PRCD: variants seen among roughly 807,000 people sequenced by gnomAD.
PRCD encodes photoreceptor disk component PRCD.
A neutral mutation model predicts 10.1 loss-of-function variants in PRCD; 12 were observed. That is an observed-to-expected ratio of 1.18 (90% confidence interval 0.76 to 1.92). The LOEUF (loss-of-function observed/expected upper bound fraction) is 1.92, where lower values mean the gene tolerates loss of function less well. Among genes scored for constraint, PRCD ranks in the 40% most tolerant of loss-of-function variants. The pLI, the probability that PRCD is intolerant of heterozygous loss-of-function variation, is 0.00. For missense variants in PRCD, 61 were observed against 72.2 expected (o/e 0.84, Z 0.56); for synonymous variants, 31 against 26.2 (o/e 1.18, Z -0.56).
rs1412697942 is a variant in PRCD at position 76,543,100 on chromosome 17, G to A, written c.*131G>A. 4.2e-6 allele frequency: 2 copies of A among 471,262 alleles called. No homozygotes were observed. Among genetic ancestry groups the A allele is most frequent in the Non-Finnish European group, 8.8e-6 (2 of 227,236 alleles). 29.2% of individuals were successfully genotyped at this position (471,262 alleles called of 1,614,324 possible). A position where few individuals can be genotyped will look rare whatever the true frequency, so the allele number is the denominator to read the frequency against. On this transcript the variant is annotated 3_prime_UTR_variant, in exon 4 of 5. Transcript: ENST00000592014. Reference sequence around the variant, plus strand: ...TGCAGCAGCGGCAAGAGGGAGAATGGGGGGAAGCAGCACTAGAGAAGGTAG... The same window carrying A: ...TGCAGCAGCGGCAAGAGGGAGAATGAGGGGAAGCAGCACTAGAGAAGGTAG...
At chr17:76,537,971 T>C (rs888260363), upstream of PRCD, 1 of 145,032 alleles carries the variant, frequency 6.9e-6, no homozygotes, top group Non-Finnish European at 1.5e-5. Context: ...GCGCTGGGGG[T>C]CCCGGGAGGA....
upstream of PRCD, chr17:76,537,506 T>C: frequency 6.3e-7 from 1 of 1,578,218 alleles, no homozygotes; most frequent in Non-Finnish European, 8.6e-7. Flanking sequence ...CTCCGCTCCC[T>C]GCGCTCGATC....
chr17:76,540,393 G>A lies in PRCD; in HGVS notation c.75-112G>A. ...GAGCAGGGGGACTTAGAGCTTCAAA[G>A]GCTCTAGTTGCAGCCTCTACTCCCA... On this transcript the variant is annotated intron_variant, in intron 1 of 4. Transcript: ENST00000592014. This position sits in a 1 kb window ranked among gnomAD's most constrained non-coding sequence, Gnocchi z 5.0. 2 of 1,336,740 alleles carry A rather than the reference G, an allele frequency of 1.5e-6. No homozygotes were observed. The highest frequency in any genetic ancestry group is 2.4e-5 in the South Asian group (2 of 84,788). The allele number at this position is 1,336,740 out of a possible 1,614,324, so 82.8% of individuals were successfully genotyped here.
downstream of PRCD, among the ~76,000 whole-genome samples, chr17:76,547,919 C>T (rs1214351684): frequency 1.3e-5 from 2 of 151,004 alleles, no homozygotes; most frequent in Non-Finnish European, 2.9e-5. Flanking sequence ...CATTCACACA[C>T]ACATACACAT....
chr17:76,537,479 C>T (rs774953063), upstream of PRCD: 20 of 1,592,648 alleles, frequency 1.3e-5, no homozygotes, highest in African/African-American at 2.8e-5. Context: ...TTCCTCTCCG[C>T]CTCGGACAGC....
In PRCD at chr17:76,531,414, A is replaced by G. The variant is rs745534614; in HGVS notation, n.45+3581A>G. On this transcript the variant is annotated intron_variant and non_coding_transcript_variant, in intron 1 of 4. Coordinates refer to the PRCD transcript ENST00000397633. This position sits in a 1 kb window ranked among gnomAD's most constrained non-coding sequence, Gnocchi z 7.4. ...CAGAGCCTGCGAGCTGCAGATGGCC[A>G]TGACGCGTGGGCGGTGGGGGCTCTG... 5.7e-6 allele frequency: 9 copies of G among 1,578,368 alleles called. No individual in the cohort carries two copies. Among genetic ancestry groups the G allele is most frequent in the Non-Finnish European group, 7.8e-6 (9 of 1,153,034 alleles).
rs985655941 is a variant in PRCD at position 76,543,815 on chromosome 17, A to C, written c.*165A>C. ...TGCCTTTCCCCAGTTCCCAGAGCTC[A>C]TCCTGTCACTGGCTGCTCTGCTGAA... On this transcript the variant is annotated 3_prime_UTR_variant, in exon 5 of 5. Coordinates refer to ENST00000592014, the MANE Select transcript of PRCD (RefSeq NM_001077620.3). 2.1e-6 allele frequency: 1 copy of C among 470,948 alleles called. No individual in the cohort carries two copies. Among genetic ancestry groups the C allele is most frequent in the Non-Finnish European group, 4.4e-6 (1 of 227,082 alleles). The allele number at this position is 470,948 out of a possible 1,614,324, so 29.2% of individuals were successfully genotyped here.
chr17:76,551,345 AT>A (rs1225687278), intron 1 of PRCD: 3 of 152,206 alleles, frequency 2.0e-5, no homozygotes, highest in Non-Finnish European at 4.4e-5. Context: ...CTTCAAATTC[AT>A]TTATTTTTAT....
At chr17:76,537,541 A>G (rs748260968), upstream of PRCD, 7 of 1,542,190 alleles carry the variant, frequency 4.5e-6, no homozygotes, top group Admixed American at 1.9e-5. Context: ...CACTTTCTCC[A>G]TGAGCAGCTC....
intron 1 of PRCD, chr17:76,553,028 G>A (rs989101427): frequency 4.0e-5 from 6 of 151,784 alleles, no homozygotes; most frequent in Admixed American, 2.0e-4. Flanking sequence ...AAGTTCAGGG[G>A]TGTTGGGACT....
Position 76,540,463 on chromosome 17 carries a change from G to C in PRCD, c.75-42G>C. The C allele has an allele frequency of 6.2e-7, 1 of 1,602,526 alleles. No homozygotes were observed. Among genetic ancestry groups the C allele is most frequent in the African/African-American group, 1.3e-5 (1 of 74,806 alleles). On this transcript the variant is annotated intron_variant, in intron 1 of 4. Coordinates refer to ENST00000592014, the MANE Select transcript of PRCD (RefSeq NM_001077620.3). The surrounding 1 kb of genome is among the most constrained non-coding windows in gnomAD (Gnocchi z 5.0). ...CCTGTGGAGGGACAGTGAGGGGCTGGGCACAGCCATAGCTCTTCCTCCCTA... is the reference window on the plus strand; with the variant it reads ...CCTGTGGAGGGACAGTGAGGGGCTGCGCACAGCCATAGCTCTTCCTCCCTA...
At chr17:76,547,953 TAC>T (rs201737890), downstream of PRCD, among the ~76,000 whole-genome samples, 263 of 149,460 alleles carry the variant, frequency 1.8e-3, 10 homozygotes, top group East Asian at 0.044. Flanking sequence ...CACACACATA[TAC>T]ACACACATAC....
In PRCD at chr17:76,530,901, A is replaced by C; in HGVS notation, n.45+3068A>C. 2 of 1,454,020 alleles carry C rather than the reference A, an allele frequency of 1.4e-6. No individual in the cohort carries two copies. The highest frequency in any genetic ancestry group is 1.8e-6 in the Non-Finnish European group (2 of 1,088,046). 90.1% of individuals were successfully genotyped at this position (1,454,020 alleles called of 1,614,324 possible). A position where few individuals can be genotyped will look rare whatever the true frequency, so the allele number is the denominator to read the frequency against. On this transcript the variant is annotated intron_variant and non_coding_transcript_variant, in intron 1 of 4. Coordinates refer to the PRCD transcript ENST00000397633. This position sits in a 1 kb window ranked among gnomAD's most constrained non-coding sequence, Gnocchi z 6.1. ...CCCAGGTGATCAGCCCCAGGGCCTCAGGAGATATGGGAGACCTCGGGGACA... is the reference window on the plus strand; with the variant it reads ...CCCAGGTGATCAGCCCCAGGGCCTCCGGAGATATGGGAGACCTCGGGGACA...
rs374922957 is a variant in PRCD, at chr17:76,534,414, G to A, written n.46-6091G>A. 1.2e-4 allele frequency among the ~76,000 whole-genome samples: 19 copies of A among 152,238 alleles called. No homozygotes were observed. The East Asian group carries it at 1.5e-3, about 12-fold the overall frequency. On this transcript the variant is annotated intron_variant and non_coding_transcript_variant, in intron 1 of 4. Transcript: ENST00000397633. ...GGCTGGTGTCGAACTCCTGACCTCC[G>A]GTGATCTGCCTGCCTCGGCCTCACA... is the stretch of plus-strand genomic sequence containing the variant.
At chr17:76,537,891 T>C (rs1310638927), upstream of PRCD, 1 of 150,794 alleles carries the variant, frequency 6.6e-6, no homozygotes, top group Non-Finnish European at 1.5e-5. Context: ...GCGACGCGAC[T>C]GCCGCCCGCC....
At chr17:76,550,289 TTTGCTCTCATCACCTAGGC>T (rs1426029282), downstream of PRCD, 2 of 146,002 alleles carry the variant, frequency 1.4e-5, no homozygotes, top group Admixed American at 6.9e-5. Context: ...GAGATGGAGT[TTTGCTCTCATCACCTAGGC>T]TGGAGTGCAA....
At position 76,531,354 on chromosome 17, in the gene PRCD, C is replaced by T. The variant is rs2074839556; in HGVS notation, n.45+3521C>T. On this transcript the variant is annotated intron_variant and non_coding_transcript_variant, in intron 1 of 4. Transcript: ENST00000397633. This position sits in a 1 kb window ranked among gnomAD's most constrained non-coding sequence, Gnocchi z 7.4. The stretch of plus-strand genomic sequence containing the variant: ...ACTGCCCCTCCCTCTCGCAGCCACT[C>T]CGGGGATCACCTCTGTTGCTCCAGA... 7.1e-7 allele frequency: 1 copy of T among 1,409,480 alleles called. No homozygotes were observed. The highest frequency in any genetic ancestry group is 1.3e-5 in the South Asian group (1 of 75,048). The allele number at this position is 1,409,480 out of a possible 1,614,324, so 87.3% of individuals were successfully genotyped here. A position where few individuals can be genotyped will look rare whatever the true frequency, so the allele number is the denominator to read the frequency against.
Position 76,544,238 on chromosome 17 carries a change from C to T in PRCD, c.*588C>T, listed in dbSNP as rs989779384. The T allele has an allele frequency of 3.1e-5, 14 of 454,452 alleles. No individual in the cohort carries two copies. The highest frequency in any genetic ancestry group is 2.8e-4 in the African/African-American group (14 of 50,012). The allele number at this position is 454,452 out of a possible 1,614,324, so 28.2% of individuals were successfully genotyped here. A position where few individuals can be genotyped will look rare whatever the true frequency, so the allele number is the denominator to read the frequency against. On this transcript the variant is annotated 3_prime_UTR_variant, in exon 5 of 5. Transcript: ENST00000592014. Reference sequence around the variant, plus strand: ...ACGCGTCTCTCCTCCCCAGCCAGCCCCCCTCCCAGCCCAGCGGCGATGTCT... The same window carrying T: ...ACGCGTCTCTCCTCCCCAGCCAGCCTCCCTCCCAGCCCAGCGGCGATGTCT...
chr17:76,543,329 T>A (rs2143167445), intron 4 of PRCD: 1 of 342,006 alleles, frequency 2.9e-6, no homozygotes, highest in Non-Finnish European at 5.8e-6. Context: ...ACTTGCTGGG[T>A]CCACCAGGCT....
Sources: gnomAD v4.1 joint callset for allele counts (sites outside exome capture counted in the v4.1 genomes callset) on GRCh38, gnomAD v4.1.1 for gene constraint, Gnocchi (gnomAD v3.1) non-coding constraint, MANE v1.5 for transcripts, NCBI Gene and HGNC (gene_info 2026-07-23, HGNC 2026-07-21) for gene names.